Variants in SIRPB2 observed in about 807,000 individuals in gnomAD.
SIRPB2 encodes signal-regulatory protein beta-2.
In SIRPB2, 18 loss-of-function variants were observed where a neutral mutation model predicts 27.1. The observed-to-expected ratio is 0.66, with a 90% CI of 0.46 to 0.98. SIRPB2 has a LOEUF of 0.98. SIRPB2 is among the 50% of genes least tolerant of loss of function. SIRPB2 has a pLI of 0.00. For missense variants in SIRPB2, 420 were observed against 417.4 expected, an observed-to-expected ratio of 1.01 and a Z score of -0.06; for synonymous variants, 150 against 164.6, an observed-to-expected ratio of 0.91 and a Z score of 0.68.
In SIRPB2 at chr20:1,478,309, G is replaced by A. The variant is rs376991306; in HGVS notation, c.750C>T (p.Asn250=). ...YYCVKFQRKP[N]RQYLSGQGTS... ...TGCCCTGTCCAGACAGGTATTGCCT[G>A]TTGGGTTTCCTCTGAAACTTTACAC... The change falls in exon 3 of 5, where the codon AAC becomes AAT. Residue 250 remains asparagine (N), a synonymous_variant. Transcript: ENST00000359801. The A allele has an allele frequency of 9.9e-6, 16 of 1,614,068 alleles. 1 individual carries two copies. The African/African-American group carries it at 1.9e-4, about 19-fold the overall frequency.
intron 1 of SIRPB2, among the ~76,000 whole-genome samples, chr20:1,489,321 T>G (rs2090755751): frequency 6.6e-6 from 1 of 152,232 alleles, no homozygotes. Context: ...CTTATCAAAT[T>G]GTGTACTTTA....
intron 2 of SIRPB2, 95 bp downstream of exon 2, chr20:1,479,605 A>G: frequency 1.3e-6 from 2 of 1,532,746 alleles, no homozygotes; most frequent in Non-Finnish European, 1.8e-6. Context: ...ATGCCACTGA[A>G]ATTTTGTGTG....
At chr20:1,490,529 A>C (rs889672758) in intron 1 of SIRPB2, among the ~76,000 whole-genome samples, 4 of 152,206 alleles carry the variant, frequency 2.6e-5, no homozygotes, top group Admixed American at 2.0e-4. Context: ...CCTGAGTTAG[A>C]GGAAACATGG....
intron 1 of SIRPB2, among the ~76,000 whole-genome samples, chr20:1,485,427 A>C (rs1165037650): frequency 1.3e-5 from 2 of 152,224 alleles, no homozygotes; most frequent in African/African-American, 4.8e-5. Context: ...AAGGAAAATG[A>C]AAACATAATA....
At chr20:1,473,961 C>T (rs893896031), downstream of SIRPB2, 16 of 439,242 alleles carry the variant, frequency 3.6e-5, no homozygotes, top group African/African-American at 1.0e-4. Flanking sequence ...ACACTTCCTC[C>T]GGAGGCTCCA....
At chr20:1,490,457 G>A (rs933809750) in intron 1 of SIRPB2, among the ~76,000 whole-genome samples, 1 of 152,124 alleles carries the variant, frequency 6.6e-6, no homozygotes, top group Non-Finnish European at 1.5e-5. Context: ...AGAGAGTTCT[G>A]GACTCAGAGG....
At position 1,478,489 on chromosome 20, in the gene SIRPB2, G is replaced by A. The variant is rs1467471737; in HGVS notation, c.570C>T (p.Pro190=). Residue 190 remains proline (P), a synonymous_variant, in exon 3 of 5, where the codon CCC becomes CCT. Coordinates refer to ENST00000359801, the MANE Select transcript of SIRPB2 (RefSeq NM_001122962.2). ...GACCAGCTCCCTGGAACCACCTGAT[G>A]GGTCCAGGGGGACCGTCTCCAAGCA... ...CTVLGDGPPG[P]IRWFQGAGLS... 2 of 1,614,124 alleles carry A rather than the reference G, an allele frequency of 1.2e-6. No homozygotes were observed. The highest frequency in any genetic ancestry group is 3.3e-5 in the Admixed American group (2 of 60,020).
Position 1,485,096 on chromosome 20 carries a change from G to A in SIRPB2, c.86-5031C>T, listed in dbSNP as rs538567178. 2.0e-5 allele frequency among the ~76,000 whole-genome samples: 3 copies of A among 152,254 alleles called. No homozygotes were observed. In the South Asian group the frequency reaches 6.2e-4, roughly 32 times the overall value. ...CAGACGTGGGGAAAAGTGAGTGTAG[G>A]GAGAGGGGCATGAGAGAGATTTGTT... On this transcript the variant is annotated intron_variant, in intron 1 of 4. Coordinates refer to ENST00000359801, the MANE Select transcript of SIRPB2 (RefSeq NM_001122962.2).
At chr20:1,480,173 A>C in intron 1 of SIRPB2, 108 bp from the exon 2 acceptor site, 1 of 1,392,856 alleles carries the variant, frequency 7.2e-7, no homozygotes, top group African/African-American at 1.4e-5. Flanking sequence ...ATGGCCCAGG[A>C]TAAGACAGGA....
chr20:1,483,282 T>C (rs1223134009), intron 1 of SIRPB2, among the ~76,000 whole-genome samples: 1 of 150,992 alleles, frequency 6.6e-6, no homozygotes, highest in African/African-American at 2.5e-5. Context: ...AATGTTTGTA[T>C]TTTTAGTAGG....
At chr20:1,483,508 T>G (rs777253617) in intron 1 of SIRPB2, among the ~76,000 whole-genome samples, 10 of 152,232 alleles carry the variant, frequency 6.6e-5, no homozygotes, top group Non-Finnish European at 1.2e-4. Context: ...TTGAGCATAT[T>G]TTTTCATATA....
chr20:1,479,559 A>G, intron 2 of SIRPB2, 141 bp downstream of exon 2: 1 of 1,325,760 alleles, frequency 7.5e-7, no homozygotes, highest in East Asian at 2.3e-5. Context: ...AGCCACATGT[A>G]AATGTGCATG....
Position 1,480,034 on chromosome 20 carries a change from C to T in SIRPB2, c.117G>A (p.Trp39Ter), listed in dbSNP as rs1304457264. ...TGGGGCCCTCGGGCTGTAGCACCTG[C>T]CAGTCATTCCTGCTGCTCTGCCCAG... The part of the protein sequence containing the change: ...DASGQSSRND[W>*]QVLQPEGPML... Residue 39 changes from tryptophan to a stop codon, truncating the protein, a stop_gained, in exon 2 of 5, where the codon TGG (tryptophan) becomes TGA (stop). Coordinates refer to ENST00000359801, the MANE Select transcript of SIRPB2 (RefSeq NM_001122962.2). LOFTEE classifies it high-confidence loss of function. 2.5e-6 allele frequency: 4 copies of T among 1,613,318 alleles called. No individual in the cohort carries two copies. Among genetic ancestry groups the T allele is most frequent in the Admixed American group, 1.7e-5 (1 of 60,012 alleles).
At chr20:1,491,069 G>A (rs952076854) in intron 1 of SIRPB2, among the ~76,000 whole-genome samples, 4 of 152,142 alleles carry the variant, frequency 2.6e-5, no homozygotes, top group African/African-American at 7.2e-5. Flanking sequence ...GGGTGTGAGC[G>A]CAGAGCCTGG....
intron 2 of SIRPB2, among the ~76,000 whole-genome samples, chr20:1,478,897 G>A (rs1219135385): frequency 7.9e-5 from 12 of 152,262 alleles, no homozygotes; most frequent in Admixed American, 1.3e-4. Flanking sequence ...GCCCAGAGGC[G>A]GAAACCCAGA....
intron 4 of SIRPB2, 27 bp from the exon 5 acceptor site, chr20:1,476,363 C>G: frequency 6.3e-7 from 1 of 1,596,406 alleles, no homozygotes; most frequent in Non-Finnish European, 8.5e-7. Flanking sequence ...AGAGCTCAGG[C>G]GGGACCCGTG....
intron 1 of SIRPB2, among the ~76,000 whole-genome samples, chr20:1,482,823 T>C (rs1306950822): frequency 1.3e-5 from 2 of 149,854 alleles, no homozygotes; most frequent in East Asian, 3.8e-4. Flanking sequence ...GGGGACACTA[T>C]ATATATGTAT....
downstream of SIRPB2, among the ~76,000 whole-genome samples, chr20:1,474,100 C>G (rs967577374): frequency 6.6e-6 from 1 of 152,154 alleles, no homozygotes; most frequent in South Asian, 2.1e-4. Context: ...AAGATCCATC[C>G]GTGTCTCTCT....
chr20:1,473,684 A>G (rs1353620463), downstream of SIRPB2: 3 of 328,706 alleles, frequency 9.1e-6, no homozygotes, highest in Non-Finnish European at 1.9e-5. Flanking sequence ...GTGCTGGAGA[A>G]GAGTCAGCTT....
Sources: gnomAD v4.1 joint callset for allele counts (sites outside exome capture counted in the v4.1 genomes callset) on GRCh38, gnomAD v4.1.1 for gene constraint, MANE v1.5 for transcripts, NCBI Gene and HGNC (gene_info 2026-07-23, HGNC 2026-07-21) for gene names.